The following CNTN5 variants were observed in gnomAD, a reference collection of about 807,000 sequenced individuals.
CNTN5 encodes contactin 5.
CNTN5 carries 77 observed loss-of-function variants against 129.1 expected under a neutral mutation model. The observed-to-expected ratio is 0.60, with a 90% CI of 0.50 to 0.72. CNTN5 has a LOEUF of 0.72. Ranked by LOEUF, CNTN5 falls within the 30% of genes least tolerant of loss-of-function variation. The probability of loss-of-function intolerance (pLI) is 0.00; values close to 1 mark genes in which losing one functional copy is unlikely to be tolerated. For synonymous variants in CNTN5, 509 were observed against 465.6 expected, an observed-to-expected ratio of 1.09 and a Z score of -1.20; for missense variants, 1,478 against 1,328.8, an observed-to-expected ratio of 1.11 and a Z score of -1.75.
At chr11:100,105,376 G>T (rs183181675) in intron 13 of CNTN5, among the ~76,000 whole-genome samples, 2 of 152,022 alleles carry the variant, frequency 1.3e-5, no homozygotes, top group Admixed American at 6.5e-5. Flanking sequence ...GAGGGATCTT[G>T]CTTCATTTGC....
chr11:99,928,800 T>C (rs1238672113), intron 7 of CNTN5, among the ~76,000 whole-genome samples: 2 of 152,344 alleles, frequency 1.3e-5, no homozygotes, highest in South Asian at 4.1e-4. Flanking sequence ...TCATTACCTA[T>C]GCATATTTCT....
At chr11:99,148,208 A>T (rs1173648546) in intron 1 of CNTN5, among the ~76,000 whole-genome samples, 1 of 152,188 alleles carries the variant, frequency 6.6e-6, no homozygotes, top group Non-Finnish European at 1.5e-5. Flanking sequence ...ATGGTTCATC[A>T]GTGAGATAAG....
intron 13 of CNTN5, among the ~76,000 whole-genome samples, chr11:100,106,838 A>G (rs752446599): frequency 3.3e-5 from 5 of 152,156 alleles, no homozygotes; most frequent in Non-Finnish European, 5.9e-5. Flanking sequence ...TGATATTTAT[A>G]TAAAATGTTG....
intron 1 of CNTN5, among the ~76,000 whole-genome samples, chr11:99,128,688 G>A (rs1042445158): frequency 6.6e-6 from 1 of 152,132 alleles, no homozygotes; most frequent in African/African-American, 2.4e-5. Context: ...CTCCCAACAG[G>A]GGTCACCAGA....
At chr11:99,408,745 T>C (rs948387221) in intron 2 of CNTN5, among the ~76,000 whole-genome samples, 5 of 152,222 alleles carry the variant, frequency 3.3e-5, no homozygotes, top group African/African-American at 9.6e-5. Flanking sequence ...AAAATCTGTA[T>C]CTTAAATGAA....
At chr11:99,026,624 C>G (rs993970880) in intron 1 of CNTN5, among the ~76,000 whole-genome samples, 2 of 151,578 alleles carry the variant, frequency 1.3e-5, no homozygotes, top group East Asian at 1.9e-4. Flanking sequence ...GAAAAAGTGA[C>G]AGAATAAATA....
chr11:99,231,433 T>G (rs539986483), intron 1 of CNTN5, among the ~76,000 whole-genome samples: 1 of 152,332 alleles, frequency 6.6e-6, no homozygotes, highest in Non-Finnish European at 1.5e-5. Flanking sequence ...GTTTGTTGCC[T>G]CTATAAACGT....
At position 100,356,523 on chromosome 11, in the gene CNTN5, GATTTT is replaced by G. The variant is rs1210378020; in HGVS notation, c.*311_*315del. On this transcript the variant is annotated 3_prime_UTR_variant, in exon 25 of 25. Coordinates refer to ENST00000524871, the MANE Select transcript of CNTN5 (RefSeq NM_014361.4). ...ATTCTTTACTTTTTTAATATGTTGGGATTTTATTTTATATCTGATGACTCCGAGTG... is the reference window on the plus strand; with the variant it reads ...ATTCTTTACTTTTTTAATATGTTGGGATTTTATATCTGATGACTCCGAGTG... 8.6e-6 allele frequency: 3 copies of G among 348,252 alleles called. No individual in the cohort carries two copies. Among genetic ancestry groups the G allele is most frequent in the Non-Finnish European group, 1.6e-5 (3 of 190,842 alleles). The allele number at this position is 348,252 out of a possible 1,614,324, so 21.6% of individuals were successfully genotyped here.
intron 3 of CNTN5, among the ~76,000 whole-genome samples, chr11:99,689,283 T>C (rs1953928778): frequency 6.6e-6 from 1 of 151,776 alleles, no homozygotes; most frequent in African/African-American, 2.4e-5. Context: ...ATCCCAGCAT[T>C]TAGGGAGGCC....
intron 2 of CNTN5, among the ~76,000 whole-genome samples, chr11:99,478,611 C>A (rs1329073646): frequency 1.3e-5 from 2 of 152,066 alleles, no homozygotes; most frequent in Non-Finnish European, 2.9e-5. Context: ...CTTTCCCCCT[C>A]TCCAAATAGG....
chr11:99,090,309 A>G (rs1591174298), intron 1 of CNTN5, among the ~76,000 whole-genome samples: 1 of 152,174 alleles, frequency 6.6e-6, no homozygotes, highest in African/African-American at 2.4e-5. Flanking sequence ...TGAAGTTATT[A>G]TGGGCCTGTT....
At chr11:99,522,174 A>T (rs1947298220) in intron 2 of CNTN5, among the ~76,000 whole-genome samples, 1 of 152,152 alleles carries the variant, frequency 6.6e-6, no homozygotes, top group African/African-American at 2.4e-5. Flanking sequence ...GAACACCTAT[A>T]AAAGAACATA....
intron 1 of CNTN5, among the ~76,000 whole-genome samples, chr11:99,028,322 G>A (rs1158782025): frequency 1.3e-5 from 2 of 151,886 alleles, no homozygotes; most frequent in Non-Finnish European, 3.0e-5. Flanking sequence ...ACTGTGGACA[G>A]TGGCAGTACA....
At chr11:100,057,876 T>C (rs2137786050) in intron 9 of CNTN5, among the ~76,000 whole-genome samples, 1 of 152,220 alleles carries the variant, frequency 6.6e-6, no homozygotes, top group South Asian at 2.1e-4. Context: ...TTTTGCCTGC[T>C]ACTTTGTGCC....
At chr11:99,726,430 T>C (rs1268867753) in intron 3 of CNTN5, among the ~76,000 whole-genome samples, 1 of 152,224 alleles carries the variant, frequency 6.6e-6, no homozygotes, top group African/African-American at 2.4e-5. Context: ...CAAGGAGAGT[T>C]TGATAGCTCA....
intron 9 of CNTN5, among the ~76,000 whole-genome samples, chr11:100,029,378 C>T (rs191988219): frequency 2.0e-5 from 3 of 151,346 alleles, no homozygotes; most frequent in African/African-American, 2.4e-5. Context: ...GTCAGGAGAT[C>T]GAGACCATCC....
chr11:99,947,195 T>G (rs1565708301), intron 7 of CNTN5, among the ~76,000 whole-genome samples: 1 of 150,942 alleles, frequency 6.6e-6, no homozygotes, highest in Admixed American at 6.7e-5. Context: ...CTAGCATAAC[T>G]TGTACCAATT....
chr11:100,176,360 T>C (rs774028228), intron 13 of CNTN5, among the ~76,000 whole-genome samples: 6 of 152,162 alleles, frequency 3.9e-5, no homozygotes, highest in African/African-American at 7.2e-5. Flanking sequence ...CTGATTGTTA[T>C]AACGTTACAT....
At chr11:99,485,303 G>A (rs1945767892) in intron 2 of CNTN5, among the ~76,000 whole-genome samples, 1 of 151,830 alleles carries the variant, frequency 6.6e-6, no homozygotes, top group South Asian at 2.1e-4. Context: ...AATAGGCAGA[G>A]CACAAAGGAT....
Sources: allele counts gnomAD v4.1 joint callset (sites outside exome capture counted in the v4.1 genomes callset), GRCh38; gene constraint gnomAD v4.1.1; transcripts MANE v1.5; gene names NCBI Gene and HGNC (gene_info 2026-07-23, HGNC 2026-07-21).